Variants in GMEB1 observed in about 807,000 individuals in gnomAD.
GMEB1 encodes the protein glucocorticoid modulatory element binding protein 1.
GMEB1 carries 6 observed loss-of-function variants against 52.4 expected under a neutral mutation model. The ratio of observed to expected loss-of-function variants is 0.11; its 90% CI spans 0.06 to 0.23. The LOEUF is 0.23. Ranked by LOEUF, GMEB1 falls within the 10% of genes least tolerant of loss-of-function variation. The pLI is 1.00. For missense variants in GMEB1, 486 were observed against 685.6 expected (o/e 0.71, Z 3.25); for synonymous variants, 255 against 244.9 (o/e 1.04, Z -0.38).
In GMEB1 at chr1:28,702,986, C is replaced by T. The variant is rs183157078; in HGVS notation, c.730+417C>T. Among the ~76,000 whole-genome samples, 129 of 152,256 alleles carry T rather than the reference C, an allele frequency of 8.5e-4. 3 individuals carry two copies. The East Asian group carries it at 0.017, about 20-fold the overall frequency. On this transcript the variant is annotated intron_variant, in intron 7 of 9. Coordinates refer to ENST00000373816, the MANE Select transcript of GMEB1 (RefSeq NM_001319674.2). ...GAGCCGAGATCGCGCCACTGCACTCCAGCCTGGGCGACTAAGCAAGACTCC... is the reference window on the plus strand; with the variant it reads ...GAGCCGAGATCGCGCCACTGCACTCTAGCCTGGGCGACTAAGCAAGACTCC...
At chr1:28,685,054 AG>A (rs1669575116) in intron 2 of GMEB1, among the ~76,000 whole-genome samples, 1 of 152,134 alleles carries the variant, frequency 6.6e-6, no homozygotes, top group African/African-American at 2.4e-5. Flanking sequence ...GTTTACCAAA[AG>A]ACTGTGTAGC....
chr1:28,673,949 C>T (rs1669018385), intron 1 of GMEB1, among the ~76,000 whole-genome samples: 1 of 151,872 alleles, frequency 6.6e-6, no homozygotes, highest in African/African-American at 2.4e-5. Context: ...AGTTCAAGAC[C>T]AGCCTGGCCA....
At chr1:28,670,762 TGCGCCCG>T (rs1326563024) in intron 1 of GMEB1, among the ~76,000 whole-genome samples, 1 of 152,190 alleles carries the variant, frequency 6.6e-6, no homozygotes, top group Admixed American at 6.6e-5. Flanking sequence ...CGTGAGCCAC[TGCGCCCG>T]GCGGGGGAAA....
intron 2 of GMEB1, among the ~76,000 whole-genome samples, chr1:28,686,499 C>T (rs1403147417): frequency 2.6e-5 from 4 of 151,760 alleles, no homozygotes; most frequent in Admixed American, 6.6e-5. Context: ...TGTGGTGGCA[C>T]GCGCCTGTAA....
At chr1:28,691,789 C>A in intron 4 of GMEB1, 80 bp downstream of exon 4, 2 of 483,412 alleles carry the variant, frequency 4.1e-6, no homozygotes, top group Non-Finnish European at 3.6e-6. Context: ...TCCTTTTTAT[C>A]TTCCACTATA....
rs571638489 is a variant in GMEB1, at chr1:28,675,401, G to A, written c.-31+6562G>A. Among the ~76,000 whole-genome samples, 24 of 147,740 alleles carry A rather than the reference G, an allele frequency of 1.6e-4. No homozygotes were observed. In the East Asian group the frequency reaches 1.9e-3, roughly 12 times the overall value. ...TCACATAGAATTCCAGAGAGAGATCGGCCGGGGTGGCTCACTCCTGTAATC... is the reference window on the plus strand; with the variant it reads ...TCACATAGAATTCCAGAGAGAGATCAGCCGGGGTGGCTCACTCCTGTAATC... On this transcript the variant is annotated intron_variant, in intron 1 of 9. Transcript: ENST00000373816.
intron 1 of GMEB1, among the ~76,000 whole-genome samples, chr1:28,678,735 C>T (rs879663480): frequency 1.5e-4 from 23 of 152,092 alleles, no homozygotes; most frequent in Middle Eastern, 3.4e-3. Flanking sequence ...TACAGGTTCA[C>T]GTTACCACAC....
chr1:28,710,531 C>T lies in GMEB1; in HGVS notation c.880C>T (p.Leu294Phe), dbSNP rs1226977327. Residue 294 changes from leucine (L) to phenylalanine (F), a missense_variant, in exon 9 of 10, where the codon CTC becomes TTC. Leu to Phe is a conservative substitution (Grantham distance 22). This residue lies in a region of GMEB1 where 200 missense variants were observed against 253.5 expected (regional missense o/e 0.79). Transcript: ENST00000373816. ...TTTGTTTTAAATAGATGCTGCTGTT[C>T]TCAACAATGTAGCACACACATTTGG... ...APFQVTDAAV[L>F]NNVAHTFGLM... The T allele has an allele frequency of 1.2e-6, 2 of 1,603,560 alleles. No homozygotes were observed. The highest frequency in any genetic ancestry group is 1.7e-6 in the Non-Finnish European group (2 of 1,175,872).
At chr1:28,702,377 T>C (rs1436236557) in intron 6 of GMEB1, 61 bp from the exon 7 acceptor site, 16 of 1,402,212 alleles carry the variant, frequency 1.1e-5, no homozygotes, top group South Asian at 9.6e-5. Flanking sequence ...GTATGAGATA[T>C]AGGATAGCTA....
At chr1:28,683,157 A>G (rs1669473138) in intron 1 of GMEB1, among the ~76,000 whole-genome samples, 3 of 151,890 alleles carry the variant, frequency 2.0e-5, no homozygotes. Context: ...TTAGAGGCCC[A>G]TGGTCTCTAG....
chr1:28,690,061 A>T, intron 2 of GMEB1, 43 bp from the exon 3 acceptor site: 1 of 1,398,616 alleles, frequency 7.1e-7, no homozygotes. Context: ...TAATTTTTTC[A>T]TGATTTATGT....
Position 28,714,598 on chromosome 1 carries a change from A to G in GMEB1, c.1517A>G (p.Glu506Gly). 6.2e-7 allele frequency: 1 copy of G among 1,614,172 alleles called. No individual in the cohort carries two copies. Among genetic ancestry groups the G allele is most frequent in the Non-Finnish European group, 8.5e-7 (1 of 1,180,026 alleles). Residue 506 changes from glutamate to glycine, a missense_variant, in exon 10 of 10, where the codon GAG (glutamate) becomes GGG (glycine). Transcript: ENST00000373816. Reference protein sequence around the residue: ...SAIQAVESTSEDGQTIIEIDP... With the variant: ...SAIQAVESTSGDGQTIIEIDP... ...ATTCAGGCTGTTGAAAGCACCTCAG[A>G]GGATGGGCAGACCATCATTGAGATT...
At chr1:28,680,051 G>A (rs1570386957) in intron 1 of GMEB1, among the ~76,000 whole-genome samples, 1 of 151,904 alleles carries the variant, frequency 6.6e-6, no homozygotes, top group African/African-American at 2.4e-5. Context: ...CAGGTGATCC[G>A]CCTGCCTCGG....
At chr1:28,700,522 A>T (rs907138703) in intron 6 of GMEB1, among the ~76,000 whole-genome samples, 9 of 151,036 alleles carry the variant, frequency 6.0e-5, no homozygotes, top group African/African-American at 2.2e-4. Flanking sequence ...TCAAAAAAAA[A>T]AAAAAAAAAA....
At chr1:28,701,266 G>GTTTTT (rs1557515961) in intron 6 of GMEB1, among the ~76,000 whole-genome samples, 2 of 87,608 alleles carry the variant, frequency 2.3e-5, no homozygotes, top group African/African-American at 4.1e-5. Context: ...TTTAAAAGCT[G>GTTTTT]TCTTTTTTTT....
chr1:28,673,153 C>G (rs1668979170), intron 1 of GMEB1, among the ~76,000 whole-genome samples: 1 of 152,164 alleles, frequency 6.6e-6, no homozygotes, highest in Non-Finnish European at 1.5e-5. Context: ...CTCGGCCTCC[C>G]GAAGTGCTGG....
chr1:28,697,162 CATATATATATATAT>C (rs71586855), intron 6 of GMEB1, 78 bp downstream of exon 6: 27,448 of 148,922 alleles, frequency 0.18, 2,700 homozygotes, highest in Non-Finnish European at 0.19. Context: ...CTTGTGTGTA[CATATATATATATAT>C]ATATATATAT....
chr1:28,705,832 A>C (rs2124568194), intron 8 of GMEB1, among the ~76,000 whole-genome samples: 1 of 151,972 alleles, frequency 6.6e-6, no homozygotes, highest in South Asian at 2.1e-4. Context: ...AGAGTCTGAA[A>C]ATTGGAGAAA....
Position 28,701,776 on chromosome 1 carries a change from C to T in GMEB1, c.599-662C>T, listed in dbSNP as rs375021643. ...GGTTTTGCTATGTTGCCCAGGCTGG[C>T]CTCAGACTCCTGGACTCAAGCAATC... is the stretch of plus-strand genomic sequence containing the variant. On this transcript the variant is annotated intron_variant, in intron 6 of 9. Transcript: ENST00000373816. Among the ~76,000 whole-genome samples the T allele has an allele frequency of 4.0e-5, 6 of 151,808 alleles. No individual in the cohort carries two copies. In the East Asian group the frequency reaches 9.7e-4, roughly 24 times the overall value.
Sources: allele counts gnomAD v4.1 joint callset (sites outside exome capture counted in the v4.1 genomes callset), GRCh38; gene constraint gnomAD v4.1.1; regional missense constraint gnomAD v4.1.1; transcripts MANE v1.5; gene names NCBI Gene and HGNC (gene_info 2026-07-23, HGNC 2026-07-21).